Variants in TJP1 observed in about 807,000 individuals in gnomAD.
TJP1 encodes tight junction protein 1.
TJP1 carries 43 observed loss-of-function variants against 194.2 expected under a neutral mutation model. The observed-to-expected ratio is 0.22, with a 90% CI of 0.17 to 0.29. The LOEUF (loss-of-function observed/expected upper bound fraction) is 0.29, where lower values mean the gene tolerates loss of function less well. TJP1 is among the 10% of genes least tolerant of loss of function. TJP1 has a pLI of 1.00. For missense variants in TJP1, 1,971 were observed against 2,185.7 expected (o/e 0.90, Z 1.96); for synonymous variants, 801 against 779.0 (o/e 1.03, Z -0.47).
chr15:29,838,378 T>C (rs2051106775), intron 2 of TJP1, among the ~76,000 whole-genome samples: 2 of 152,122 alleles, frequency 1.3e-5, no homozygotes, highest in South Asian at 2.1e-4. Flanking sequence ...TGAGCTGAGA[T>C]TGCACCACCG....
upstream of TJP1, chr15:29,822,591 G>GC: frequency 1.6e-6 from 1 of 636,762 alleles, no homozygotes; most frequent in Non-Finnish European, 2.0e-6. Context: ...GGGACGAGCG[G>GC]CCGGGGTCCC....
intron 1 of TJP1, among the ~76,000 whole-genome samples, chr15:29,966,273 C>T (rs58630711): frequency 0.22 from 33,576 of 152,030 alleles, 3,903 homozygotes; most frequent in East Asian, 0.39. Flanking sequence ...AAGGCCAAGG[C>T]AGGTGGATCA....
At chr15:29,914,130 G>A (rs1216849278) in intron 2 of TJP1, among the ~76,000 whole-genome samples, 1 of 152,130 alleles carries the variant, frequency 6.6e-6, no homozygotes, top group African/African-American at 2.4e-5. Context: ...GTATTAATAT[G>A]TTTTAAACGT....
At chr15:29,894,478 T>C (rs964519194) in intron 2 of TJP1, among the ~76,000 whole-genome samples, 2 of 152,080 alleles carry the variant, frequency 1.3e-5, no homozygotes, top group Admixed American at 6.5e-5. Flanking sequence ...ATATGCAAAA[T>C]TGAAAAAAGC....
chr15:29,716,624 T>C lies in TJP1; in HGVS notation c.4189A>G (p.Ser1397Gly). ...AHSQNQSNFS[S>G]YSSKGKPPEA... ...GAAATAGCTTACTTTGAAGAATAAC[T>C]AGAAAAATTTGATTGATTCTGAGAA... Residue 1397 changes from serine to glycine, a missense_variant, in exon 23 of 28, where the codon AGT becomes GGT. Physicochemically the swap from Ser to Gly is moderately conservative, Grantham distance 56. This residue lies in a region of TJP1 where 1,108 missense variants were observed against 1,128.5 expected (regional missense o/e 0.98). Coordinates refer to ENST00000614355, the MANE Select transcript of TJP1 (RefSeq NM_001330239.4). The C allele has an allele frequency of 1.2e-6, 2 of 1,612,202 alleles. No homozygotes were observed. The highest frequency in any genetic ancestry group is 2.2e-5 in the South Asian group (2 of 90,948).
At chr15:29,831,175 T>G (rs1407164334) in intron 2 of TJP1, among the ~76,000 whole-genome samples, 1 of 152,244 alleles carries the variant, frequency 6.6e-6, no homozygotes, top group Non-Finnish European at 1.5e-5. Flanking sequence ...GAATATATTT[T>G]GTATGAACTT....
intron 2 of TJP1, among the ~76,000 whole-genome samples, chr15:29,947,617 CCCTT>C (rs762284714): frequency 1.3e-5 from 2 of 152,180 alleles, no homozygotes; most frequent in Non-Finnish European, 2.9e-5. Flanking sequence ...TTTCCACCCT[CCCTT>C]AGAACAGAAA....
intron 8 of TJP1, among the ~76,000 whole-genome samples, chr15:29,744,461 G>A (rs912573289): frequency 6.6e-6 from 1 of 152,020 alleles, no homozygotes; most frequent in African/African-American, 2.4e-5. Flanking sequence ...AAAACTAAAT[G>A]TTCATTAATA....
Position 29,766,256 on chromosome 15 carries a change from CAG to C in TJP1, c.589+8_589+9del. The C allele has an allele frequency of 6.2e-7, 1 of 1,603,242 alleles. No individual in the cohort carries two copies. Among genetic ancestry groups the C allele is most frequent in the Non-Finnish European group, 8.5e-7 (1 of 1,175,792 alleles). On this transcript the variant is annotated splice_region_variant and intron_variant, in intron 5 of 27. Coordinates refer to ENST00000614355, the MANE Select transcript of TJP1 (RefSeq NM_001330239.4). ...ATGTGAAAAAAACAGCAAGAGTTGG[CAG>C]AGAATACCTTCATTTTTCCGGGATT...
At chr15:29,950,193 C>T (rs1208004963) in intron 2 of TJP1, among the ~76,000 whole-genome samples, 1 of 146,562 alleles carries the variant, frequency 6.8e-6, no homozygotes, top group Non-Finnish European at 1.5e-5. Flanking sequence ...TCCACCACCA[C>T]CACCACTTCC....
chr15:29,820,790 C>T, intron 1 of TJP1: 1 of 548,036 alleles, frequency 1.8e-6, no homozygotes. Context: ...ATTGTTCTTC[C>T]TCAATGTAAG....
intron 2 of TJP1, among the ~76,000 whole-genome samples, chr15:29,834,926 A>T (rs1176994433): frequency 6.6e-6 from 1 of 152,220 alleles, no homozygotes; most frequent in African/African-American, 2.4e-5. Context: ...ATAATAAAAT[A>T]ATGTTCTCTT....
chr15:29,708,871 G>A lies in TJP1; in HGVS notation c.4538C>T (p.Thr1513Ile), dbSNP rs757224358. The A allele has an allele frequency of 6.2e-7, 1 of 1,614,148 alleles. No individual in the cohort carries two copies. The highest frequency in any genetic ancestry group is 1.1e-5 in the South Asian group (1 of 91,072). The change falls in exon 25 of 28, where the codon ACT becomes ATT. Residue 1513 changes from threonine (T) to isoleucine (I), a missense_variant. Transcript: ENST00000614355. ...SFPDKAPVNG[T>I]EQTQKTVTPA... ...AGTGACTGTTTTCTGAGTCTGTTCA[G>A]TTCCATTAACTGGGGCTTTATCTGG...
At chr15:29,877,829 G>A (rs2052766725) in intron 2 of TJP1, among the ~76,000 whole-genome samples, 1 of 151,182 alleles carries the variant, frequency 6.6e-6, no homozygotes, top group South Asian at 2.1e-4. Flanking sequence ...CATCACGCCT[G>A]GCTAATTTTT....
chr15:29,914,864 AC>A, intron 2 of TJP1, among the ~76,000 whole-genome samples: 1 of 98,704 alleles, frequency 1.0e-5, no homozygotes, highest in South Asian at 3.9e-4. Context: ...ACACACACAT[AC>A]ACACACACAC....
chr15:29,822,083 T>C lies in TJP1; in HGVS notation c.-55A>G, dbSNP rs1316273518. ...CCTCGGACCCGAAACTCCGCGGCGC[T>C]GGCCCGCCCGCTCCTCACGCCACAG... On this transcript the variant is annotated 5_prime_UTR_variant, in exon 1 of 28. Transcript: ENST00000614355. The C allele has an allele frequency of 7.3e-6, 9 of 1,239,378 alleles. No homozygotes were observed. Among genetic ancestry groups the C allele is most frequent in the East Asian group, 6.5e-5 (2 of 30,722 alleles). 76.8% of individuals were successfully genotyped at this position (1,239,378 alleles called of 1,614,324 possible).
At chr15:29,785,761 C>A (rs1160992284) in intron 2 of TJP1, among the ~76,000 whole-genome samples, 1 of 152,162 alleles carries the variant, frequency 6.6e-6, no homozygotes, top group East Asian at 1.9e-4. Context: ...TTCAATGGAA[C>A]CTGTTCTAGC....
At chr15:29,849,048 A>G (rs987609356) in intron 2 of TJP1, among the ~76,000 whole-genome samples, 1 of 152,202 alleles carries the variant, frequency 6.6e-6, no homozygotes, top group Admixed American at 6.5e-5. Context: ...TCTCTGAAAC[A>G]TATCTTATAA....
intron 3 of TJP1, 87 bp downstream of exon 3, chr15:29,773,146 C>T (rs2046798652): frequency 1.4e-6 from 2 of 1,479,282 alleles, no homozygotes; most frequent in South Asian, 2.7e-5. Context: ...ATGACAAAAT[C>T]ACTAAGACAG....
Sources: allele counts gnomAD v4.1 joint callset (sites outside exome capture counted in the v4.1 genomes callset), GRCh38; gene constraint gnomAD v4.1.1; regional missense constraint gnomAD v4.1.1; transcripts MANE v1.5; gene names NCBI Gene and HGNC (gene_info 2026-07-23, HGNC 2026-07-21).